The following NADK variants were observed in gnomAD, a reference collection of about 807,000 sequenced individuals.
NADK encodes NAD kinase.
NADK carries 22 observed loss-of-function variants against 49.8 expected under a neutral mutation model. That is an observed-to-expected ratio of 0.44 (90% CI 0.32 to 0.63). The LOEUF is 0.63. NADK is among the 30% of genes least tolerant of loss of function. The pLI, the probability that NADK is intolerant of heterozygous loss-of-function variation, is 0.06. For synonymous variants in NADK, 268 were observed against 253.7 expected, an observed-to-expected ratio of 1.06 and a Z score of -0.54; for missense variants, 438 against 609.4, an observed-to-expected ratio of 0.72 and a Z score of 2.96.
At chr1:1,764,789 T>C (rs897461342) in intron 2 of NADK, among the ~76,000 whole-genome samples, 1 of 152,176 alleles carries the variant, frequency 6.6e-6, no homozygotes. Flanking sequence ...TAATCCCAGC[T>C]TCTTGGGAGG....
chr1:1,761,378 G>C (rs565287417), intron 3 of NADK, among the ~76,000 whole-genome samples: 2 of 152,052 alleles, frequency 1.3e-5, no homozygotes, highest in Non-Finnish European at 2.9e-5. Context: ...TGCCTGCTTC[G>C]GACTCCCACA....
chr1:1,752,942 G>A lies in NADK; in HGVS notation c.1303C>T (p.His435Tyr), dbSNP rs1290524875. 1 of 1,593,392 alleles carries A rather than the reference G, an allele frequency of 6.3e-7. No individual in the cohort carries two copies. The highest frequency in any genetic ancestry group is 1.8e-5 in the Admixed American group (1 of 55,688). The change falls in exon 12 of 12, where the codon CAC (histidine) becomes TAC (tyrosine). Residue 435 changes from histidine (H) to tyrosine (Y), a missense_variant. Coordinates refer to ENST00000341426, the MANE Select transcript of NADK (RefSeq NM_023018.5). ...TCCTCCTCCTCCTCCTCCTCGAAGT[G>A]GGCTTGCTTCTTCCGGACGTTCCAA... ...LHWNVRKKQA[H>Y]FEEEEEEEEE...
At position 1,757,168 on chromosome 1, in the gene NADK, CT is replaced by C. The variant is rs769204822; in HGVS notation, c.393+12del. On this transcript the variant is annotated intron_variant, in intron 4 of 11. Coordinates refer to ENST00000341426, the MANE Select transcript of NADK (RefSeq NM_023018.5). ...TGTGCACCCCAGGCCCCCTTCCCCC[CT>C]GCCCCGCGTGCCTCCATGAGGTGCG... 21 of 1,607,764 alleles carry C rather than the reference CT, an allele frequency of 1.3e-5. No homozygotes were observed. The highest frequency in any genetic ancestry group is 2.2e-5 in the East Asian group (1 of 44,790).
chr1:1,768,600 C>T (rs1645955836), intron 1 of NADK, among the ~76,000 whole-genome samples: 1 of 152,136 alleles, frequency 6.6e-6, no homozygotes, highest in South Asian at 2.1e-4. Flanking sequence ...TCTGTTCCCA[C>T]CCTCACTGGG....
At chr1:1,755,892 C>G (rs1183340541) in intron 6 of NADK, 3 of 455,590 alleles carry the variant, frequency 6.6e-6, no homozygotes, top group African/African-American at 5.9e-5. Context: ...GGGTCCCCCA[C>G]ACAGCGTGGC....
At chr1:1,759,649 C>G (rs527513220) in intron 3 of NADK, 1 of 1,429,142 alleles carries the variant, frequency 7.0e-7, no homozygotes, top group Admixed American at 2.2e-5. Context: ...GTTATGATCC[C>G]AGAGACACAG....
chr1:1,765,360 G>A lies in NADK; in HGVS notation c.47C>T (p.Pro16Leu). 5 of 1,611,944 alleles carry A rather than the reference G, an allele frequency of 3.1e-6. No homozygotes were observed. Among genetic ancestry groups the A allele is most frequent in the Non-Finnish European group, 4.2e-6 (5 of 1,178,838 alleles). The change falls in exon 2 of 12, where the codon CCA (proline) becomes CTA (leucine). Residue 16 changes from proline (P) to leucine (L), a missense_variant. By Grantham distance (98) the Pro-to-Leu change is moderately conservative. Coordinates refer to ENST00000341426, the MANE Select transcript of NADK (RefSeq NM_023018.5). ...CGAGCAGCAGTAAGCAGCCGCGTCT[G>A]GACTCAATTCCTTATTCATGGTCAT... ...EKMTMNKELS[P>L]DAAAYCCSAC... is the part of the protein sequence containing the mutation.
intron 7 of NADK, among the ~76,000 whole-genome samples, chr1:1,755,118 C>T (rs374397948): frequency 2.0e-5 from 3 of 152,152 alleles, no homozygotes; most frequent in South Asian, 2.1e-4. Flanking sequence ...CGCGCCCGGC[C>T]GACACTTCTG....
upstream of NADK, among the ~76,000 whole-genome samples, chr1:1,779,566 C>T (rs1646311890): frequency 6.6e-6 from 1 of 152,040 alleles, no homozygotes; most frequent in African/African-American, 2.4e-5. Flanking sequence ...GCAGCCTTGA[C>T]CTCTCAGGTG....
At position 1,752,819 on chromosome 1, in the gene NADK, C is replaced by T. The variant is rs530884641; in HGVS notation, c.*85G>A. 205 of 1,475,790 alleles carry T rather than the reference C, an allele frequency of 1.4e-4. No homozygotes were observed. The highest frequency in any genetic ancestry group is 1.9e-4 in the East Asian group (8 of 42,918). 91.4% of individuals were successfully genotyped at this position (1,475,790 alleles called of 1,614,324 possible). A position where few individuals can be genotyped will look rare whatever the true frequency, so the allele number is the denominator to read the frequency against. ...GAAGTGGCCGTGCCACTGAGACAGG[C>T]GGTCACAGACACACGCAGATTGGTC... On this transcript the variant is annotated 3_prime_UTR_variant, in exon 12 of 12. Coordinates refer to ENST00000341426, the MANE Select transcript of NADK (RefSeq NM_023018.5).
intron 10 of NADK, 62 bp from the exon 11 acceptor site, chr1:1,753,711 C>T: frequency 7.0e-7 from 1 of 1,436,898 alleles, no homozygotes; most frequent in East Asian, 2.4e-5. Flanking sequence ...TCTAGGCACC[C>T]ACCCCTGAGT....
Position 1,763,763 on chromosome 1 carries a change from G to A in NADK, c.179+1465C>T, listed in dbSNP as rs1645801431. ...TGTTTCCTTCCCAAGGACAGGCTAT[G>A]CTTGGGCGTATTTGGCTACCTCCTC... On this transcript the variant is annotated intron_variant, in intron 2 of 11. Transcript: ENST00000341426. 2.0e-5 allele frequency among the ~76,000 whole-genome samples: 3 copies of A among 152,140 alleles called. No homozygotes were observed. The South Asian group carries it at 6.2e-4, about 32-fold the overall frequency.
intron 1 of NADK, among the ~76,000 whole-genome samples, chr1:1,775,436 A>C (rs1028353529): frequency 4.6e-5 from 7 of 152,210 alleles, no homozygotes; most frequent in African/African-American, 1.7e-4. Context: ...TACCCATCTC[A>C]TCTCACCCCG....
chr1:1,757,562 C>T (rs891479105), intron 3 of NADK, among the ~76,000 whole-genome samples: 1 of 152,002 alleles, frequency 6.6e-6, no homozygotes, highest in African/African-American at 2.4e-5. Context: ...ACAACCCCCA[C>T]CCGGGCACCA....
intron 3 of NADK, chr1:1,758,485 T>G: frequency 1.9e-6 from 3 of 1,612,362 alleles, no homozygotes; most frequent in African/African-American, 2.7e-5. Context: ...CCGGCCAGTG[T>G]GTCCACAGCA....
chr1:1,759,940 G>T, intron 3 of NADK: 1 of 1,547,490 alleles, frequency 6.5e-7, no homozygotes. Context: ...GCACCAGGCA[G>T]CGGGGGAGAG....
intron 3 of NADK, among the ~76,000 whole-genome samples, chr1:1,759,554 GGTCT>G (rs1645647937): frequency 6.6e-6 from 1 of 152,204 alleles, no homozygotes; most frequent in South Asian, 2.1e-4. Context: ...GCCCCCACAG[GGTCT>G]TGCTCTGGAC....
Position 1,754,728 on chromosome 1 carries a change from CAT to C in NADK, c.689-32_689-31del, listed in dbSNP as rs750511039. ...GGTCCAGCAGGAGTCAGAGGGCATG[CAT>C]CAGGGAAGTCAGTGGGGTCAGGGGC... On this transcript the variant is annotated intron_variant, in intron 7 of 11. Coordinates refer to ENST00000341426, the MANE Select transcript of NADK (RefSeq NM_023018.5). The surrounding 1 kb of genome is among the most constrained non-coding windows in gnomAD (Gnocchi z 4.3). 2.5e-6 allele frequency: 4 copies of C among 1,587,442 alleles called. No individual in the cohort carries two copies. In the East Asian group the frequency reaches 9.0e-5, roughly 36 times the overall value.
intron 2 of NADK, 61 bp downstream of exon 2, chr1:1,765,166 TA>T (rs1645846698): frequency 2.8e-6 from 4 of 1,451,634 alleles, no homozygotes; most frequent in Non-Finnish European, 3.7e-6. Flanking sequence ...ATAATCGTTT[TA>T]AGAAAGAATA....
Sources: allele counts gnomAD v4.1 joint callset (sites outside exome capture counted in the v4.1 genomes callset), GRCh38; gene constraint gnomAD v4.1.1; non-coding constraint Gnocchi (gnomAD v3.1); transcripts MANE v1.5; gene names NCBI Gene and HGNC (gene_info 2026-07-23, HGNC 2026-07-21).